Variants in BBX observed in about 807,000 individuals in gnomAD.
BBX encodes the protein HMG box transcription factor BBX.
Under a neutral mutation model 100.2 loss-of-function variants are expected in BBX, and 30 were observed. The ratio of observed to expected loss-of-function variants is 0.30; its 90% CI spans 0.22 to 0.41. The LOEUF (loss-of-function observed/expected upper bound fraction) is 0.41, where lower values mean the gene tolerates loss of function less well. BBX is among the 10% of genes least tolerant of loss of function. BBX has a pLI of 1.00. For synonymous variants in BBX, 376 were observed against 388.1 expected, an observed-to-expected ratio of 0.97 and a Z score of 0.37; for missense variants, 1,023 against 1,129.8, an observed-to-expected ratio of 0.91 and a Z score of 1.35.
At chr3:107,544,291 T>G (rs2049058465) in intron 2 of BBX, among the ~76,000 whole-genome samples, 1 of 152,216 alleles carries the variant, frequency 6.6e-6, no homozygotes, top group African/African-American at 2.4e-5. Context: ...TGGAAAATTG[T>G]CATAATAGAT....
chr3:107,730,863 A>C (rs908710954), intron 6 of BBX, among the ~76,000 whole-genome samples: 1 of 152,184 alleles, frequency 6.6e-6, no homozygotes, highest in Non-Finnish European at 1.5e-5. Context: ...ATGAAAGCGA[A>C]CTAATTTGTC....
chr3:107,532,869 C>T (rs1276769063), intron 2 of BBX, among the ~76,000 whole-genome samples: 5 of 152,094 alleles, frequency 3.3e-5, no homozygotes, highest in East Asian at 1.9e-4. Context: ...TTTTGATCTC[C>T]GGTAAATTAA....
chr3:107,545,741 C>T (rs1219221632), intron 2 of BBX, among the ~76,000 whole-genome samples: 2 of 152,144 alleles, frequency 1.3e-5, no homozygotes, highest in African/African-American at 2.4e-5. Flanking sequence ...ATTACCCTGT[C>T]TGTGTCTTGG....
chr3:107,535,593 C>CTT (rs11298693), intron 2 of BBX, among the ~76,000 whole-genome samples: 6 of 132,846 alleles, frequency 4.5e-5, no homozygotes, highest in South Asian at 2.4e-4. Flanking sequence ...TGCTCTGTTC[C>CTT]TTTTTTTTTT....
intron 5 of BBX, among the ~76,000 whole-genome samples, chr3:107,720,040 G>A (rs2062415003): frequency 6.6e-6 from 1 of 151,974 alleles, no homozygotes; most frequent in South Asian, 2.1e-4. Context: ...GAGGCATGAG[G>A]CAGAATGTGT....
intron 3 of BBX, among the ~76,000 whole-genome samples, chr3:107,696,735 A>G (rs1326948858): frequency 6.6e-6 from 1 of 151,346 alleles, no homozygotes; most frequent in Non-Finnish European, 1.5e-5. Flanking sequence ...CTGAATCTGA[A>G]TGTTGGCCTG....
At chr3:107,721,778 A>G (rs752755166) in intron 5 of BBX, among the ~76,000 whole-genome samples, 1 of 152,072 alleles carries the variant, frequency 6.6e-6, no homozygotes, top group Admixed American at 6.6e-5. Flanking sequence ...CTCCCTTCTC[A>G]TACTGTTTTG....
At chr3:107,784,255 A>G (rs2068193264) in intron 13 of BBX, among the ~76,000 whole-genome samples, 1 of 152,000 alleles carries the variant, frequency 6.6e-6, no homozygotes, top group Non-Finnish European at 1.5e-5. Context: ...GGATAGAGCA[A>G]CTAGGCAAAA....
Position 107,798,601 on chromosome 3 carries a change from A to C in BBX, c.2432A>C (p.Glu811Ala), listed in dbSNP as rs2070018865. The C allele has an allele frequency of 6.2e-7, 1 of 1,614,126 alleles. No individual in the cohort carries two copies. Among genetic ancestry groups the C allele is most frequent in the Non-Finnish European group, 8.5e-7 (1 of 1,179,986 alleles). The change falls in exon 16 of 18, where the codon GAG (glutamate) becomes GCG (alanine). Residue 811 changes from glutamate to alanine, a missense_variant. By Grantham distance (107) the Glu-to-Ala change is moderately radical. Around this residue, in one of 9 missense-constraint regions of BBX, gnomAD observed 215 missense variants for 211.3 expected, o/e 1.02. Coordinates refer to ENST00000325805, the MANE Select transcript of BBX (RefSeq NM_001142568.3). ...ATCCCATCCATTTTCAACACTCCAG[A>C]GCCAACAACAACGCAAGAACCTTTG... ...KNIPSIFNTP[E>A]PTTTQEPLVG... is the part of the protein sequence containing the mutation.
chr3:107,759,075 C>CA (rs201445486), intron 10 of BBX, among the ~76,000 whole-genome samples: 2,699 of 151,902 alleles, frequency 0.018, 80 homozygotes, highest in African/African-American at 0.062. Flanking sequence ...AGCAGGCAAA[C>CA]AAAAAAAACT....
chr3:107,531,445 G>T (rs2048154840), intron 2 of BBX, among the ~76,000 whole-genome samples: 1 of 152,074 alleles, frequency 6.6e-6, no homozygotes, highest in Non-Finnish European at 1.5e-5. Flanking sequence ...ATAATATGGG[G>T]ATTACACAAG....
At chr3:107,526,008 C>T (rs1199716470) in intron 1 of BBX, among the ~76,000 whole-genome samples, 1 of 152,144 alleles carries the variant, frequency 6.6e-6, no homozygotes, top group Non-Finnish European at 1.5e-5. Flanking sequence ...TGAATGATCG[C>T]GGTGTGGTTT....
At chr3:107,627,040 G>C (rs567871853) in intron 2 of BBX, among the ~76,000 whole-genome samples, 63 of 152,240 alleles carry the variant, frequency 4.1e-4, no homozygotes, top group African/African-American at 1.5e-3. Flanking sequence ...ACAATGTCTT[G>C]AATGATCTGG....
chr3:107,613,309 C>G (rs897590910), intron 2 of BBX, among the ~76,000 whole-genome samples: 1 of 150,124 alleles, frequency 6.7e-6, no homozygotes, highest in Non-Finnish European at 1.5e-5. Flanking sequence ...GCCTCAGCCT[C>G]CTGAGTAGCT....
intron 13 of BBX, among the ~76,000 whole-genome samples, chr3:107,780,698 C>A (rs368426279): frequency 5.3e-5 from 8 of 151,940 alleles, no homozygotes; most frequent in African/African-American, 1.9e-4. Flanking sequence ...ATTATCTATT[C>A]AGCAAACTAA....
intron 2 of BBX, among the ~76,000 whole-genome samples, chr3:107,574,468 G>A (rs925684633): frequency 6.6e-6 from 1 of 152,174 alleles, no homozygotes. Context: ...AGTTTAGGCT[G>A]ATCTTTGAAT....
intron 10 of BBX, among the ~76,000 whole-genome samples, chr3:107,766,994 T>C (rs1193641004): frequency 1.3e-5 from 2 of 152,114 alleles, no homozygotes; most frequent in African/African-American, 2.4e-5. Context: ...TTAGTGGGAA[T>C]TGAACAATGA....
intron 3 of BBX, among the ~76,000 whole-genome samples, chr3:107,680,580 A>G (rs768063146): frequency 2.0e-5 from 3 of 152,190 alleles, no homozygotes; most frequent in East Asian, 1.9e-4. Flanking sequence ...TCTGTCAGAA[A>G]CCACTGAAAC....
intron 2 of BBX, among the ~76,000 whole-genome samples, chr3:107,566,397 T>C (rs2050916053): frequency 6.6e-6 from 1 of 152,222 alleles, no homozygotes; most frequent in East Asian, 1.9e-4. Flanking sequence ...TGTGAGTGGA[T>C]AATAACTTTG....
Sources: allele counts gnomAD v4.1 joint callset (sites outside exome capture counted in the v4.1 genomes callset), GRCh38; gene constraint gnomAD v4.1.1; regional missense constraint gnomAD v4.1.1; transcripts MANE v1.5; gene names NCBI Gene and HGNC (gene_info 2026-07-23, HGNC 2026-07-21).